Variants in SPTB observed in about 807,000 individuals in gnomAD.
The protein encoded by SPTB is spectrin beta, erythrocytic.
Under a neutral mutation model 256.2 loss-of-function variants are expected in SPTB, and 45 were observed. The ratio of observed to expected loss-of-function variants is 0.18; its 90% CI spans 0.14 to 0.23. SPTB has a LOEUF of 0.23. Among genes scored for constraint, SPTB ranks in the 10% least tolerant of loss-of-function variants. SPTB has a pLI of 1.00. For missense variants in SPTB, 2,715 were observed against 3,040.4 expected, an observed-to-expected ratio of 0.89 and a Z score of 2.52; for synonymous variants, 1,231 against 1,243.1, an observed-to-expected ratio of 0.99 and a Z score of 0.21.
intron 32 of SPTB, chr14:64,754,016 C>A: frequency 1.5e-6 from 1 of 650,908 alleles, no homozygotes. Context: ...CCACCCCATT[C>A]TCCCTTCAGA....
At chr14:64,800,006 C>A in intron 8 of SPTB, 72 bp from the exon 9 acceptor site, 2 of 1,576,278 alleles carry the variant, frequency 1.3e-6, no homozygotes, top group Admixed American at 1.7e-5. Flanking sequence ...ATGAGGACCA[C>A]AATCAAGGTG....
At position 64,790,938 on chromosome 14, in the gene SPTB, C is replaced by A. The variant is rs1167531374; in HGVS notation, c.2804+781G>T. On this transcript the variant is annotated intron_variant, in intron 15 of 35. Transcript: ENST00000644917. The surrounding 1 kb of genome is among the most constrained non-coding windows in gnomAD (Gnocchi z 4.8). ...GCTTGCTTAAGGCTCCCTGCTAATT[C>A]TCCTCTTCCTTCAAGCCAGCCTCAT... is the stretch of plus-strand genomic sequence containing the variant. Among the ~76,000 whole-genome samples, 2 of 152,226 alleles carry A rather than the reference C, an allele frequency of 1.3e-5. No individual in the cohort carries two copies. The highest frequency in any genetic ancestry group is 2.9e-5 in the Non-Finnish European group (2 of 68,036).
chr14:64,823,121 T>C lies in SPTB; in HGVS notation c.-27A>G, dbSNP rs1484952685. On this transcript the variant is annotated 5_prime_UTR_variant, in exon 2 of 36. Coordinates refer to ENST00000644917, the MANE Select transcript of SPTB (RefSeq NM_001355436.2). The surrounding 1 kb of genome is among the most constrained non-coding windows in gnomAD (Gnocchi z 6.5). ...TCAGCAGGCTCTTAGCAGCTCCGCC[T>C]GCCTCAGTCTTCATGGAAGGATCCC... 6.6e-5 allele frequency: 107 copies of C among 1,613,914 alleles called. No homozygotes were observed. The highest frequency in any genetic ancestry group is 9.0e-5 in the Non-Finnish European group (106 of 1,179,960).
intron 1 of SPTB, among the ~76,000 whole-genome samples, chr14:64,848,457 C>T (rs966183945): frequency 2.6e-5 from 4 of 152,176 alleles, no homozygotes; most frequent in African/African-American, 9.7e-5. Context: ...CTGATGGTAC[C>T]ATTTTCAATA....
intron 20 of SPTB, among the ~76,000 whole-genome samples, chr14:64,781,096 T>G (rs910621162): frequency 6.6e-6 from 1 of 152,176 alleles, no homozygotes; most frequent in African/African-American, 2.4e-5. Flanking sequence ...CAGACTTCAA[T>G]GTAAAACCCA....
At position 64,829,228 on chromosome 14, in the gene SPTB, TAAC is replaced by T. The variant is rs556520017; in HGVS notation, c.-51-6086_-51-6084del. On this transcript the variant is annotated intron_variant, in intron 1 of 35. Transcript: ENST00000644917. ...AGGAATTACAGGAAATCAAGATAAA[TAAC>T]AACTTGAGGAAGCAAAGAAACAAAC... is the stretch of plus-strand genomic sequence containing the variant. Among the ~76,000 whole-genome samples, 14 of 152,208 alleles carry T rather than the reference TAAC, an allele frequency of 9.2e-5. No homozygotes were observed. The South Asian group carries it at 2.9e-3, about 32-fold the overall frequency.
chr14:64,800,470 A>G (rs1232125600), intron 8 of SPTB, among the ~76,000 whole-genome samples: 1 of 152,198 alleles, frequency 6.6e-6, no homozygotes, highest in African/African-American at 2.4e-5. Context: ...AAACCACATA[A>G]AAGCCTGGAG....
At chr14:64,850,436 T>A (rs144972768) in intron 1 of SPTB, among the ~76,000 whole-genome samples, 1 of 152,212 alleles carries the variant, frequency 6.6e-6, no homozygotes, top group Non-Finnish European at 1.5e-5. Context: ...AAGCCCACGT[T>A]TTCTGATAGT....
rs2083814073 is a variant in SPTB, at chr14:64,853,201, T to C, written c.-52+26591A>G. 6.6e-6 allele frequency among the ~76,000 whole-genome samples: 1 copy of C among 152,102 alleles called. No homozygotes were observed. The highest frequency in any genetic ancestry group is 1.5e-5 in the Non-Finnish European group (1 of 68,034). ...CTTAACCTGAGGCTGGGTACCCAAGTCCTGAACCTGTGGAAATGAATGGCT... is the reference window on the plus strand; with the variant it reads ...CTTAACCTGAGGCTGGGTACCCAAGCCCTGAACCTGTGGAAATGAATGGCT... On this transcript the variant is annotated intron_variant, in intron 1 of 35. Transcript: ENST00000644917. The surrounding 1 kb of genome is among the most constrained non-coding windows in gnomAD (Gnocchi z 4.3).
At chr14:64,865,651 G>A (rs17102258) in intron 1 of SPTB, among the ~76,000 whole-genome samples, 19,413 of 152,170 alleles carry the variant, frequency 0.13, 2,057 homozygotes, top group African/African-American at 0.28. Flanking sequence ...CAGCGACCAT[G>A]GTAAGAAGGG....
At chr14:64,770,802 G>T in intron 27 of SPTB, 83 bp downstream of exon 27, 1 of 1,597,820 alleles carries the variant, frequency 6.3e-7, no homozygotes, top group South Asian at 1.1e-5. Flanking sequence ...CCTTCACGGA[G>T]GAGCCACAGT....
At position 64,806,631 on chromosome 14, in the gene SPTB, A is replaced by G. The variant is rs1248830201; in HGVS notation, c.149-1541T>C. Among the ~76,000 whole-genome samples the G allele has an allele frequency of 6.6e-6, 1 of 152,228 alleles. No individual in the cohort carries two copies. Reference sequence around the variant, plus strand: ...CCGGCTTCATGGCTATTTTGGTATTAGGAACTCAGACCCTTGATTCTTCTG... The same window carrying G: ...CCGGCTTCATGGCTATTTTGGTATTGGGAACTCAGACCCTTGATTCTTCTG... On this transcript the variant is annotated intron_variant, in intron 2 of 35. Coordinates refer to ENST00000644917, the MANE Select transcript of SPTB (RefSeq NM_001355436.2). This position sits in a 1 kb window ranked among gnomAD's most constrained non-coding sequence, Gnocchi z 4.1.
Position 64,772,609 on chromosome 14 carries a change from C to T in SPTB, c.5524G>A (p.Glu1842Lys), listed in dbSNP as rs1157307521. The change falls in exon 26 of 36, where the codon GAG (glutamate) becomes AAG (lysine). Residue 1842 changes from glutamate to lysine, a missense_variant. Transcript: ENST00000644917. This position sits in a 1 kb window ranked among gnomAD's most constrained non-coding sequence, Gnocchi z 5.4. The part of the protein sequence containing the change: ...ESFHRVHTAF[E>K]RELHLLGVQV... ...ACACCCAGCAGGTGGAGCTCCCGCT[C>T]GAAGGCTGTGTGCACCCGGTGGAAG... 1.1e-5 allele frequency: 17 copies of T among 1,610,954 alleles called. No individual in the cohort carries two copies. The highest frequency in any genetic ancestry group is 4.5e-5 in the East Asian group (2 of 44,886).
In SPTB at chr14:64,779,324, A is replaced by G; in HGVS notation, c.4474-78T>C. ...CCTGAGTGCTCACCATGGGCGGCGC[A>G]GAGCTTTGCTGGCAGTGTCTCCCCA... On this transcript the variant is annotated intron_variant, in intron 21 of 35. Coordinates refer to ENST00000644917, the MANE Select transcript of SPTB (RefSeq NM_001355436.2). The surrounding 1 kb of genome is among the most constrained non-coding windows in gnomAD (Gnocchi z 4.2). The G allele has an allele frequency of 8.3e-7, 1 of 1,210,254 alleles. No homozygotes were observed. The highest frequency in any genetic ancestry group is 1.3e-5 in the South Asian group (1 of 77,396). 75.0% of individuals were successfully genotyped at this position (1,210,254 alleles called of 1,614,324 possible).
In SPTB at chr14:64,796,527, T is replaced by C; in HGVS notation, c.1341+30A>G. On this transcript the variant is annotated intron_variant, in intron 11 of 35. Transcript: ENST00000644917. The surrounding 1 kb of genome is among the most constrained non-coding windows in gnomAD (Gnocchi z 4.1). ...TGGGGGCTCTGAAGAATGTCCCCTCTCCTGTCACCCAAAGCATGTCCCTCA... is the reference window on the plus strand; with the variant it reads ...TGGGGGCTCTGAAGAATGTCCCCTCCCCTGTCACCCAAAGCATGTCCCTCA... 6.2e-7 allele frequency: 1 copy of C among 1,613,964 alleles called. No individual in the cohort carries two copies. The highest frequency in any genetic ancestry group is 8.5e-7 in the Non-Finnish European group (1 of 1,180,014).
intron 1 of SPTB, among the ~76,000 whole-genome samples, chr14:64,865,450 G>A (rs978025270): frequency 6.6e-6 from 1 of 152,048 alleles, no homozygotes; most frequent in African/African-American, 2.4e-5. Context: ...TGAACCCTTG[G>A]GATCAACTCC....
At chr14:64,819,135 C>T (rs1165445688) in intron 2 of SPTB, among the ~76,000 whole-genome samples, 1 of 152,196 alleles carries the variant, frequency 6.6e-6, no homozygotes, top group African/African-American at 2.4e-5. Flanking sequence ...GCAACATTTT[C>T]CTACCCTTCT....
chr14:64,789,188 A>C (rs76717196), intron 15 of SPTB, among the ~76,000 whole-genome samples: 1 of 151,614 alleles, frequency 6.6e-6, no homozygotes, highest in Non-Finnish European at 1.5e-5. Flanking sequence ...TCATCTCTAC[A>C]AAAAAAACAA....
Position 64,796,432 on chromosome 14 carries a change from G to C in SPTB, c.1341+125C>G. 2 of 1,256,786 alleles carry C rather than the reference G, an allele frequency of 1.6e-6. No homozygotes were observed. Among genetic ancestry groups the C allele is most frequent in the Non-Finnish European group, 2.3e-6 (2 of 868,624 alleles). 77.9% of individuals were successfully genotyped at this position (1,256,786 alleles called of 1,614,324 possible). A position where few individuals can be genotyped will look rare whatever the true frequency, so the allele number is the denominator to read the frequency against. On this transcript the variant is annotated intron_variant, in intron 11 of 35. Coordinates refer to ENST00000644917, the MANE Select transcript of SPTB (RefSeq NM_001355436.2). This position sits in a 1 kb window ranked among gnomAD's most constrained non-coding sequence, Gnocchi z 4.1. Reference sequence around the variant, plus strand: ...GCAAATCTTGATCCACTGGATCACGGGGGAGCTGTGCTGCAAGGCACGAGG... The same window carrying C: ...GCAAATCTTGATCCACTGGATCACGCGGGAGCTGTGCTGCAAGGCACGAGG...
Sources: gnomAD v4.1 joint callset for allele counts (sites outside exome capture counted in the v4.1 genomes callset) on GRCh38, gnomAD v4.1.1 for gene constraint, Gnocchi (gnomAD v3.1) non-coding constraint, MANE v1.5 for transcripts, NCBI Gene and HGNC (gene_info 2026-07-23, HGNC 2026-07-21) for gene names.